The following ZFAT variants were observed in gnomAD, a reference collection of about 807,000 sequenced individuals.
ZFAT encodes the protein zinc finger and AT-hook domain containing, also known as zinc finger protein ZFAT.
A neutral mutation model predicts 117.7 loss-of-function variants in ZFAT; 64 were observed. The ratio of observed to expected loss-of-function variants is 0.54; its 90% CI spans 0.44 to 0.67. ZFAT has a LOEUF of 0.67. Ranked by LOEUF, ZFAT falls within the 30% of genes least tolerant of loss-of-function variation. The pLI, the probability that ZFAT is intolerant of heterozygous loss-of-function variation, is 0.00. For missense variants in ZFAT, 1,433 were observed against 1,584.5 expected (o/e 0.90, Z 1.62); for synonymous variants, 679 against 615.0 (o/e 1.10, Z -1.54).
chr8:134,652,221 C>T (rs536077601), intron 2 of ZFAT, among the ~76,000 whole-genome samples: 1 of 152,140 alleles, frequency 6.6e-6, no homozygotes, highest in South Asian at 2.1e-4. Flanking sequence ...GAGCCCAGAT[C>T]GTGCCACTGC....
the ZFAT span, among the ~76,000 whole-genome samples, chr8:134,814,081 C>T: frequency 6.6e-6 from 1 of 152,080 alleles, no homozygotes; most frequent in Admixed American, 6.6e-5. Flanking sequence ...ATTATAAGCT[C>T]TTGAAAGAGA....
the ZFAT span, among the ~76,000 whole-genome samples, chr8:134,808,243 C>T: frequency 1.3e-5 from 2 of 152,290 alleles, no homozygotes; most frequent in East Asian, 1.9e-4. Context: ...GAAACAAAGA[C>T]GAGCAAGCCA....
the ZFAT span, chr8:134,792,671 T>C: frequency 8.5e-5 from 13 of 152,196 alleles, no homozygotes; most frequent in Non-Finnish European, 1.6e-4. Flanking sequence ...GTATGAATAT[T>C]TCACATCAAT....
intron 2 of ZFAT, among the ~76,000 whole-genome samples, chr8:134,640,132 G>C (rs1830497585): frequency 6.6e-6 from 1 of 152,170 alleles, no homozygotes; most frequent in Admixed American, 6.5e-5. Flanking sequence ...CCCTTTAACT[G>C]GCTCTCTGAT....
chr8:134,657,776 C>T (rs2131204927), intron 1 of ZFAT, 39 bp from the exon 2 acceptor site: 1 of 1,592,012 alleles, frequency 6.3e-7, no homozygotes, highest in Non-Finnish European at 8.6e-7. Context: ...ATTTCATCTC[C>T]ACATAAACAA....
chr8:134,634,435 A>T (rs1393901711), intron 3 of ZFAT, among the ~76,000 whole-genome samples: 2 of 152,222 alleles, frequency 1.3e-5, no homozygotes, highest in Admixed American at 1.3e-4. Flanking sequence ...CAAAAGTAAT[A>T]ATATCCAATA....
chr8:134,598,863 G>A (rs934903868), intron 7 of ZFAT: 1 of 152,270 alleles, frequency 6.6e-6, no homozygotes, highest in South Asian at 2.1e-4. Flanking sequence ...TCCAAGGATG[G>A]GTAAACTGAG....
At chr8:134,826,078 G>A in the ZFAT span, among the ~76,000 whole-genome samples, 60 of 150,892 alleles carry the variant, frequency 4.0e-4, no homozygotes, top group South Asian at 0.012. Context: ...GTCATTACAA[G>A]CAAAAAACCA....
At chr8:134,660,306 A>G (rs534045833) in intron 1 of ZFAT, among the ~76,000 whole-genome samples, 2 of 152,378 alleles carry the variant, frequency 1.3e-5, no homozygotes, top group African/African-American at 4.8e-5. Flanking sequence ...ACAGCCCATG[A>G]GCTGAGTTCC....
chr8:134,680,486 T>A (rs972835032), intron 1 of ZFAT, among the ~76,000 whole-genome samples: 5 of 151,938 alleles, frequency 3.3e-5, no homozygotes, highest in Middle Eastern at 3.4e-3. Context: ...GTACCTTTTT[T>A]AAAAAAAATG....
chr8:134,534,101 A>G (rs976305325), intron 11 of ZFAT, among the ~76,000 whole-genome samples: 3 of 152,142 alleles, frequency 2.0e-5, no homozygotes, highest in Middle Eastern at 3.2e-3. Context: ...TCTGGCCTTG[A>G]CCTATGATGG....
intron 15 of ZFAT, among the ~76,000 whole-genome samples, chr8:134,482,951 G>C (rs118065372): frequency 2.0e-5 from 3 of 152,162 alleles, no homozygotes; most frequent in Non-Finnish European, 2.9e-5. Context: ...AAGTGGCTCT[G>C]CTGGCCCTGC....
the ZFAT span, among the ~76,000 whole-genome samples, chr8:134,768,176 G>A: frequency 6.6e-6 from 1 of 152,104 alleles, no homozygotes; most frequent in Non-Finnish European, 1.5e-5. Context: ...CCAACAGCAC[G>A]TGCTCGCTTC....
In ZFAT at chr8:134,542,074, T is replaced by G. The variant is rs528892505; in HGVS notation, c.2977-9102A>C. On this transcript the variant is annotated intron_variant, in intron 11 of 15. Coordinates refer to ENST00000377838, the MANE Select transcript of ZFAT (RefSeq NM_020863.4). ...GCCTGCCTGATCCAGACTTGCCCAC[T>G]TCTCTGACCACATTCCTCTCCATGG... is the stretch of plus-strand genomic sequence containing the variant. 6.6e-5 allele frequency among the ~76,000 whole-genome samples: 10 copies of G among 152,304 alleles called. No homozygotes were observed. In the East Asian group the frequency reaches 1.9e-3, roughly 29 times the overall value.
intron 11 of ZFAT, among the ~76,000 whole-genome samples, chr8:134,563,810 T>C (rs1824225511): frequency 1.3e-5 from 2 of 152,098 alleles, no homozygotes; most frequent in African/African-American, 4.8e-5. Flanking sequence ...GTCGCCCAGC[T>C]CCCCAGTGCT....
chr8:134,587,988 G>A (rs1370444613), intron 9 of ZFAT, among the ~76,000 whole-genome samples: 1 of 152,198 alleles, frequency 6.6e-6, no homozygotes, highest in African/African-American at 2.4e-5. Context: ...TCCAGCAGAG[G>A]AGTCATGGTG....
intron 15 of ZFAT, among the ~76,000 whole-genome samples, chr8:134,481,053 A>G (rs2130008384): frequency 6.6e-6 from 1 of 152,318 alleles, no homozygotes; most frequent in Non-Finnish European, 1.5e-5. Context: ...GGAAACTATC[A>G]ATACATTTAG....
At chr8:134,501,942 A>C (rs1388076277) in intron 15 of ZFAT, among the ~76,000 whole-genome samples, 1 of 152,232 alleles carries the variant, frequency 6.6e-6, no homozygotes, top group Non-Finnish European at 1.5e-5. Flanking sequence ...GACAATTCAG[A>C]TGGCCAGGCT....
chr8:134,665,380 A>ACAGCCAGCTCACATC (rs1255934127), intron 1 of ZFAT, among the ~76,000 whole-genome samples: 10 of 152,148 alleles, frequency 6.6e-5, no homozygotes, highest in Admixed American at 3.9e-4. Flanking sequence ...ACAGATGCTC[A>ACAGCCAGCTCACATC]CAGCCAGCTC....
Sources: allele counts gnomAD v4.1 joint callset (sites outside exome capture counted in the v4.1 genomes callset), GRCh38; gene constraint gnomAD v4.1.1; transcripts MANE v1.5; gene names NCBI Gene and HGNC (gene_info 2026-07-23, HGNC 2026-07-21).